UBE2S: variants seen among roughly 807,000 people sequenced by gnomAD.
UBE2S encodes ubiquitin conjugating enzyme E2 S, also known as ubiquitin-conjugating enzyme E2 S.
UBE2S carries 3 observed loss-of-function variants against 12.3 expected under a neutral mutation model. The ratio of observed to expected loss-of-function variants is 0.24; its 90% CI spans 0.11 to 0.63. UBE2S has a LOEUF of 0.63. Among genes scored for constraint, UBE2S ranks in the 30% least tolerant of loss-of-function variants. UBE2S has a pLI of 0.85. For missense variants in UBE2S, 211 were observed against 313.9 expected (o/e 0.67, Z 2.48); for synonymous variants, 133 against 142.0 (o/e 0.94, Z 0.45).
In UBE2S at chr19:55,401,137, C is replaced by G. The variant is rs2090054320; in HGVS notation, c.*299G>C. ...AGAACAAAGAGGTGGACCCAAACCT[C>G]AAACAGCAAGGCTGGTGAGCTAGAT... On this transcript the variant is annotated 3_prime_UTR_variant, in exon 4 of 4. Coordinates refer to ENST00000264552, the MANE Select transcript of UBE2S (RefSeq NM_014501.3). 4.3e-6 allele frequency: 2 copies of G among 468,068 alleles called. No homozygotes were observed. The highest frequency in any genetic ancestry group is 7.6e-6 in the Non-Finnish European group (2 of 263,274). 29.0% of individuals were successfully genotyped at this position (468,068 alleles called of 1,614,324 possible). A position where few individuals can be genotyped will look rare whatever the true frequency, so the allele number is the denominator to read the frequency against.
chr19:55,401,250 A>C lies in UBE2S; in HGVS notation c.*186T>G, dbSNP rs756313950. 46 of 700,682 alleles carry C rather than the reference A, an allele frequency of 6.6e-5. No homozygotes were observed. Among genetic ancestry groups the C allele is most frequent in the Non-Finnish European group, 9.3e-5 (40 of 429,250 alleles). The allele number at this position is 700,682 out of a possible 1,614,324, so 43.4% of individuals were successfully genotyped here. ...CTCCCAGAGCCACATGGCACCATGC[A>C]GCGGTCCTGGGGCATCTGTGAGACA... On this transcript the variant is annotated 3_prime_UTR_variant, in exon 4 of 4. Coordinates refer to ENST00000264552, the MANE Select transcript of UBE2S (RefSeq NM_014501.3).
rs2090070435 is a variant in UBE2S, at chr19:55,402,796, G to A, written c.343-1034C>T. 7 of 644,894 alleles carry A rather than the reference G, an allele frequency of 1.1e-5. No homozygotes were observed. The South Asian group carries it at 1.4e-4, about 13-fold the overall frequency. The allele number at this position is 644,894 out of a possible 1,614,324, so 39.9% of individuals were successfully genotyped here. On this transcript the variant is annotated intron_variant, in intron 3 of 3. Transcript: ENST00000264552. ...ATGACACCCCAGGGGAAGGGAGGCG[G>A]TACATGTGGGAGGGAAGGGTTTGGG...
intron 2 of UBE2S, among the ~76,000 whole-genome samples, chr19:55,406,167 T>G (rs1349033651): frequency 6.6e-6 from 1 of 152,160 alleles, no homozygotes; most frequent in Non-Finnish European, 1.5e-5. Context: ...ATTGTCATGA[T>G]CCCGCGCCCT....
chr19:55,406,936 C>T lies in UBE2S; in HGVS notation c.30G>A (p.Pro10=), dbSNP rs751194605. 1.2e-6 allele frequency: 2 copies of T among 1,613,660 alleles called. No individual in the cohort carries two copies. The highest frequency in any genetic ancestry group is 8.5e-7 in the Non-Finnish European group (1 of 1,179,794). Reference sequence around the variant, plus strand: ...CCTTGTACACCAGGCGGATGATGTGCGGGGGTAGGTTCTCCACGTTGGAGT... The same window carrying T: ...CCTTGTACACCAGGCGGATGATGTGTGGGGGTAGGTTCTCCACGTTGGAGT... The part of the protein sequence containing the change: MNSNVENLP[P]HIIRLVYKEV... The change falls in exon 2 of 4, where the codon CCG becomes CCA. Residue 10 remains proline (P), a synonymous_variant. Transcript: ENST00000264552.
At chr19:55,405,712 A>G (rs144682986) in intron 2 of UBE2S, among the ~76,000 whole-genome samples, 1 of 152,176 alleles carries the variant, frequency 6.6e-6, no homozygotes, top group African/African-American at 2.4e-5. Flanking sequence ...CCAAGTACGC[A>G]CTTTCCTATA....
At chr19:55,402,868 A>G (rs1453184017) in intron 3 of UBE2S, 4 of 1,274,482 alleles carry the variant, frequency 3.1e-6, no homozygotes, top group Non-Finnish European at 4.3e-6. Flanking sequence ...ATGGCAGGAA[A>G]CCCCAATTCC....
chr19:55,407,092 A>C, intron 1 of UBE2S, 130 bp from the exon 2 acceptor site: 9 of 1,123,600 alleles, frequency 8.0e-6, no homozygotes, highest in South Asian at 3.9e-5. Context: ...GAACTCCCAG[A>C]CCCTCACCCA....
intron 1 of UBE2S, among the ~76,000 whole-genome samples, chr19:55,407,203 C>T (rs891816162): frequency 2.3e-4 from 34 of 150,732 alleles, no homozygotes; most frequent in Non-Finnish European, 3.7e-4. Flanking sequence ...GAACCCCCCC[C>T]CCAAAGCCCG....
intron 3 of UBE2S, chr19:55,402,927 CTTTTT>C: frequency 8.7e-7 from 1 of 1,151,252 alleles, no homozygotes; most frequent in African/African-American, 1.6e-5. Flanking sequence ...ATTTGGTTAA[CTTTTT>C]TTTTTTTCAG....
chr19:55,404,396 G>A lies in UBE2S; in HGVS notation c.234C>T (p.Tyr78=), dbSNP rs202223700. Residue 78 remains tyrosine, a synonymous_variant, in exon 3 of 4, where the codon TAC becomes TAT. Coordinates refer to ENST00000264552, the MANE Select transcript of UBE2S (RefSeq NM_014501.3). This position sits in a 1 kb window ranked among gnomAD's most constrained non-coding sequence, Gnocchi z 4.4. ...KDFPASPPKG[Y]FLTKIFHPNV... is the part of the protein sequence containing the mutation. Reference sequence around the variant, plus strand: ...TCGGGTGGAAGATCTTGGTCAGGAAGTAGCCCTTGGGTGGGGAGGCAGGGA... The same window carrying A: ...TCGGGTGGAAGATCTTGGTCAGGAAATAGCCCTTGGGTGGGGAGGCAGGGA... The A allele has an allele frequency of 1.1e-5, 17 of 1,613,832 alleles. No individual in the cohort carries two copies. The highest frequency in any genetic ancestry group is 2.5e-6 in the Non-Finnish European group (3 of 1,179,796).
rs1444630892 is a variant in UBE2S, at chr19:55,400,808, G to A, written c.*628C>T. ...TGATCTGTTGTGCAGAAATACATGTGGGAACAGGCTTTGCTGCCCACAAGG... is the reference window on the plus strand; with the variant it reads ...TGATCTGTTGTGCAGAAATACATGTAGGAACAGGCTTTGCTGCCCACAAGG... On this transcript the variant is annotated 3_prime_UTR_variant, in exon 4 of 4. Coordinates refer to ENST00000264552, the MANE Select transcript of UBE2S (RefSeq NM_014501.3). 6.5e-6 allele frequency: 1 copy of A among 152,798 alleles called. No homozygotes were observed. Among genetic ancestry groups the A allele is most frequent in the Admixed American group, 6.5e-5 (1 of 15,340 alleles). 9.5% of individuals were successfully genotyped at this position (152,798 alleles called of 1,614,324 possible). A position where few individuals can be genotyped will look rare whatever the true frequency, so the allele number is the denominator to read the frequency against.
Position 55,406,933 on chromosome 19 carries a change from G to A in UBE2S, c.33C>T (p.His11=), listed in dbSNP as rs2090099783. 3 of 1,613,874 alleles carry A rather than the reference G, an allele frequency of 1.9e-6. No individual in the cohort carries two copies. The highest frequency in any genetic ancestry group is 2.2e-5 in the South Asian group (2 of 91,054). Reference sequence around the variant, plus strand: ...CCTCCTTGTACACCAGGCGGATGATGTGCGGGGGTAGGTTCTCCACGTTGG... The same window carrying A: ...CCTCCTTGTACACCAGGCGGATGATATGCGGGGGTAGGTTCTCCACGTTGG... The part of the protein sequence containing the change: MNSNVENLPP[H]IIRLVYKEVT... The change falls in exon 2 of 4, where the codon CAC becomes CAT. Residue 11 remains histidine (H), a synonymous_variant. Transcript: ENST00000264552.
Position 55,401,629 on chromosome 19 carries a change from C to A in UBE2S, c.476G>T (p.Gly159Val), listed in dbSNP as rs1312646281. 6.2e-7 allele frequency: 1 copy of A among 1,605,686 alleles called. No individual in the cohort carries two copies. Among genetic ancestry groups the A allele is most frequent in the African/African-American group, 1.3e-5 (1 of 74,816 alleles). ...GGCTTCGGCCCTGCCGCTGGGCCCG[C>A]CGGCGCCCCCGTGGATCTCTGTGAG... ...RLLTEIHGGAGGPSGRAEAGR... is the reference protein window; with the variant it reads ...RLLTEIHGGAVGPSGRAEAGR... The change falls in exon 4 of 4, where the codon GGC becomes GTC. Residue 159 changes from glycine to valine, a missense_variant. Transcript: ENST00000264552.
chr19:55,404,646 G>C lies in UBE2S; in HGVS notation c.152-168C>G, dbSNP rs114266061. ...TTCTTTTTTTGAAATAAGGTCTCTT[G>C]TGTCACCCAGGCTGGAGTGCAGTGG... On this transcript the variant is annotated intron_variant, in intron 2 of 3. Transcript: ENST00000264552. The surrounding 1 kb of genome is among the most constrained non-coding windows in gnomAD (Gnocchi z 4.4). 6.6e-6 allele frequency among the ~76,000 whole-genome samples: 1 copy of C among 152,020 alleles called. No individual in the cohort carries two copies. Among genetic ancestry groups the C allele is most frequent in the South Asian group, 2.1e-4 (1 of 4,826 alleles).
intron 3 of UBE2S, 36 bp from the exon 4 acceptor site, chr19:55,401,798 C>CAA (rs1569048210): frequency 3.1e-6 from 5 of 1,610,250 alleles, no homozygotes; most frequent in Non-Finnish European, 4.2e-6. Context: ...GTGGGTCGGG[C>CAA]AACCTACAGG....
intron 2 of UBE2S, among the ~76,000 whole-genome samples, chr19:55,405,197 C>T (rs1330663304): frequency 2.7e-5 from 3 of 109,516 alleles, no homozygotes; most frequent in African/African-American, 7.7e-5. Flanking sequence ...GCAACAAGAG[C>T]GAAACTCTGT....
chr19:55,402,597 C>G (rs988504509), intron 3 of UBE2S, among the ~76,000 whole-genome samples: 2 of 152,210 alleles, frequency 1.3e-5, no homozygotes, highest in East Asian at 3.9e-4. Context: ...AGCAGATGCT[C>G]AGCAGATATC....
At position 55,400,256 on chromosome 19, in the gene UBE2S, C is replaced by G. The variant is rs945077073; in HGVS notation, c.*1180G>C. 6.6e-6 allele frequency: 1 copy of G among 152,194 alleles called. No individual in the cohort carries two copies. 9.4% of individuals were successfully genotyped at this position (152,194 alleles called of 1,614,324 possible). A position where few individuals can be genotyped will look rare whatever the true frequency, so the allele number is the denominator to read the frequency against. Reference sequence around the variant, plus strand: ...CCCACGTTCGTCTTTAACTCCTGGCCTCAAGTGATCCTTTCACCTCCTAAA... The same window carrying G: ...CCCACGTTCGTCTTTAACTCCTGGCGTCAAGTGATCCTTTCACCTCCTAAA... On this transcript the variant is annotated 3_prime_UTR_variant, in exon 4 of 4. Coordinates refer to ENST00000264552, the MANE Select transcript of UBE2S (RefSeq NM_014501.3).
chr19:55,407,543 G>C, intron 1 of UBE2S, 44 bp downstream of exon 1: 1 of 1,525,048 alleles, frequency 6.6e-7, no homozygotes, highest in African/African-American at 1.4e-5. Context: ...CCTCCCTCAG[G>C]GACACCCCCG....
Sources: allele counts gnomAD v4.1 joint callset (sites outside exome capture counted in the v4.1 genomes callset), GRCh38; gene constraint gnomAD v4.1.1; non-coding constraint Gnocchi (gnomAD v3.1); transcripts MANE v1.5; gene names NCBI Gene and HGNC (gene_info 2026-07-23, HGNC 2026-07-21).